FARS2: variants seen among roughly 807,000 people sequenced by gnomAD.
FARS2 encodes the protein phenylalanyl-tRNA synthetase 2, mitochondrial, also known as phenylalanine--tRNA ligase, mitochondrial.
A neutral mutation model predicts 46.4 loss-of-function variants in FARS2; 40 were observed. That is an observed-to-expected ratio of 0.86 (90% CI 0.67 to 1.12). The LOEUF is 1.12. FARS2 is among the 50% of genes most tolerant of loss of function. FARS2 has a pLI of 0.00. For synonymous variants in FARS2, 234 were observed against 214.9 expected, an observed-to-expected ratio of 1.09 and a Z score of -0.78; for missense variants, 513 against 567.9, an observed-to-expected ratio of 0.90 and a Z score of 0.98.
chr6:5,346,664 C>T (rs1244195026), intron 1 of FARS2, among the ~76,000 whole-genome samples: 3 of 152,114 alleles, frequency 2.0e-5, no homozygotes, highest in Non-Finnish European at 2.9e-5. Context: ...CTTCGTATAG[C>T]CGCCACCTCG....
At chr6:5,582,087 G>A (rs1483336471) in intron 5 of FARS2, among the ~76,000 whole-genome samples, 1 of 139,202 alleles carries the variant, frequency 7.2e-6, no homozygotes, top group Non-Finnish European at 1.6e-5. Context: ...ACATACTTCC[G>A]GTTAATTCCT....
chr6:5,288,884 A>G (rs1156826667), intron 1 of FARS2, among the ~76,000 whole-genome samples: 1 of 152,240 alleles, frequency 6.6e-6, no homozygotes, highest in Non-Finnish European at 1.5e-5. Flanking sequence ...TTTCTCCATC[A>G]TGAAAATGTT....
At chr6:5,404,804 T>C (rs1174928982) in intron 3 of FARS2, 103 bp downstream of exon 3, 1 of 810,998 alleles carries the variant, frequency 1.2e-6, no homozygotes, top group Non-Finnish European at 1.8e-6. Flanking sequence ...TTGAAATTCT[T>C]TTTTTTTTTC....
rs138760281 is a variant in FARS2 at position 5,394,123 on chromosome 6, G to A, written c.613-10419G>A. Among the ~76,000 whole-genome samples the A allele has an allele frequency of 2.8e-3, 429 of 152,022 alleles. 2 individuals are homozygous for A. Among genetic ancestry groups the A allele is most frequent in the African/African-American group, 9.8e-3 (403 of 41,258 alleles). On this transcript the variant is annotated intron_variant, in intron 2 of 6. Transcript: ENST00000274680. ...GGGGACTATTTAAGCTTCAGAATGA[G>A]GAGGAGCATAAAGCTGAAATAAATG... is the stretch of plus-strand genomic sequence containing the variant.
chr6:5,310,265 A>C (rs1004498174), intron 1 of FARS2, among the ~76,000 whole-genome samples: 1 of 152,206 alleles, frequency 6.6e-6, no homozygotes, highest in African/African-American at 2.4e-5. Context: ...ACATAAAAGC[A>C]TAAAGTATAA....
chr6:5,542,961 T>A (rs1770723364), intron 4 of FARS2, among the ~76,000 whole-genome samples: 1 of 152,240 alleles, frequency 6.6e-6, no homozygotes, highest in South Asian at 2.1e-4. Flanking sequence ...ACAATTTCAA[T>A]CCTTTTAAAT....
chr6:5,413,101 A>G (rs1429315104), intron 3 of FARS2, among the ~76,000 whole-genome samples: 2 of 152,194 alleles, frequency 1.3e-5, no homozygotes, highest in East Asian at 1.9e-4. Flanking sequence ...TGAAGTGGGA[A>G]AATATATACT....
intron 6 of FARS2, among the ~76,000 whole-genome samples, chr6:5,653,181 C>T (rs981189883): frequency 6.6e-5 from 10 of 152,042 alleles, no homozygotes; most frequent in African/African-American, 1.2e-4. Context: ...GATTTAAGAA[C>T]GCTTTTCATT....
chr6:5,353,605 T>C (rs1757711704), intron 1 of FARS2, among the ~76,000 whole-genome samples: 1 of 152,178 alleles, frequency 6.6e-6, no homozygotes, highest in Non-Finnish European at 1.5e-5. Flanking sequence ...TGATGTCTCA[T>C]TGTGGTTTTG....
intron 4 of FARS2, among the ~76,000 whole-genome samples, chr6:5,491,856 C>A (rs1251425690): frequency 6.6e-6 from 1 of 152,282 alleles, no homozygotes; most frequent in African/African-American, 2.4e-5. Context: ...AAAATCATAT[C>A]CAGTCAAATT....
At chr6:5,680,253 A>G (rs1290805013) in intron 6 of FARS2, among the ~76,000 whole-genome samples, 1 of 152,192 alleles carries the variant, frequency 6.6e-6, no homozygotes, top group East Asian at 1.9e-4. Flanking sequence ...GTGCCCAACC[A>G]ACACTGAGAC....
At chr6:5,694,017 G>A (rs1757940927) in intron 6 of FARS2, among the ~76,000 whole-genome samples, 1 of 152,194 alleles carries the variant, frequency 6.6e-6, no homozygotes. Context: ...CATAGCCTGC[G>A]CCTCTCAAAG....
intron 1 of FARS2, among the ~76,000 whole-genome samples, chr6:5,299,634 A>G (rs188435398): frequency 2.6e-5 from 4 of 152,302 alleles, no homozygotes; most frequent in African/African-American, 9.6e-5. Flanking sequence ...TGCTGCACTC[A>G]TCAACTCGTC....
At chr6:5,304,704 A>G (rs1306960768) in intron 1 of FARS2, among the ~76,000 whole-genome samples, 1 of 152,218 alleles carries the variant, frequency 6.6e-6, no homozygotes, top group Non-Finnish European at 1.5e-5. Flanking sequence ...AAGCCCAGGG[A>G]CACCATGCAT....
At chr6:5,261,144 C>T (rs758811350), upstream of FARS2, 19 of 172,498 alleles carry the variant, frequency 1.1e-4, no homozygotes, top group Non-Finnish European at 1.8e-4. Context: ...GAGGGACGTG[C>T]AGTTGCATCA....
intron 6 of FARS2, among the ~76,000 whole-genome samples, chr6:5,649,278 T>G (rs546273741): frequency 6.6e-6 from 1 of 152,380 alleles, no homozygotes; most frequent in East Asian, 1.9e-4. Context: ...CTGTGTTTTT[T>G]TCTATTTATG....
At chr6:5,590,468 G>A (rs4573125) in intron 5 of FARS2, among the ~76,000 whole-genome samples, 31,525 of 152,118 alleles carry the variant, frequency 0.21, 3,501 homozygotes, top group East Asian at 0.4. Flanking sequence ...CCTTGGTGTC[G>A]TCTAGCACAG....
intron 6 of FARS2, among the ~76,000 whole-genome samples, chr6:5,658,707 A>C (rs1777713871): frequency 6.6e-6 from 1 of 152,200 alleles, no homozygotes; most frequent in Non-Finnish European, 1.5e-5. Context: ...GGTTAGCAAA[A>C]TGTATGACTG....
chr6:5,615,381 C>T lies in FARS2; in HGVS notation c.1217+2061C>T, dbSNP rs543793506. Among the ~76,000 whole-genome samples, 21 of 152,280 alleles carry T rather than the reference C, an allele frequency of 1.4e-4. No homozygotes were observed. In the South Asian group the frequency reaches 4.1e-3, roughly 30 times the overall value. Reference sequence around the variant, plus strand: ...TACTGTGTTTTCTTCTGTCTTTTCTCCCTTGTGTACCTTCCATCTGTAGTT... The same window carrying T: ...TACTGTGTTTTCTTCTGTCTTTTCTTCCTTGTGTACCTTCCATCTGTAGTT... On this transcript the variant is annotated intron_variant, in intron 6 of 6. Transcript: ENST00000274680.
Sources: allele counts gnomAD v4.1 joint callset (sites outside exome capture counted in the v4.1 genomes callset), GRCh38; gene constraint gnomAD v4.1.1; transcripts MANE v1.5; gene names NCBI Gene and HGNC (gene_info 2026-07-23, HGNC 2026-07-21).